The following RAB3IL1 variants were observed in gnomAD, a reference collection of about 807,000 sequenced individuals.
The protein encoded by RAB3IL1 is guanine nucleotide exchange factor for Rab-3A.
Under a neutral mutation model 49.2 loss-of-function variants are expected in RAB3IL1, and 37 were observed. The ratio of observed to expected loss-of-function variants is 0.75; its 90% CI spans 0.58 to 0.99. RAB3IL1 has a LOEUF of 0.99. Among genes scored for constraint, RAB3IL1 ranks in the 50% least tolerant of loss-of-function variants. The pLI is 0.00. For synonymous variants in RAB3IL1, 193 were observed against 213.9 expected (o/e 0.90, Z 0.85); for missense variants, 484 against 513.0 (o/e 0.94, Z 0.55).
chr11:61,925,210 A>G (rs1367799450), upstream of RAB3IL1, among the ~76,000 whole-genome samples: 1 of 152,236 alleles, frequency 6.6e-6, no homozygotes, highest in Non-Finnish European at 1.5e-5. Context: ...AAAGGAACTC[A>G]GATTTTAACC....
the RAB3IL1 span, among the ~76,000 whole-genome samples, chr11:61,941,645 G>A: frequency 2.8e-4 from 43 of 152,202 alleles, no homozygotes; most frequent in Middle Eastern, 0.017. Flanking sequence ...CCAGCTACTC[G>A]GGAAGCTGAG....
At chr11:61,941,988 A>G in the RAB3IL1 span, among the ~76,000 whole-genome samples, 6 of 152,100 alleles carry the variant, frequency 3.9e-5, no homozygotes, top group African/African-American at 1.4e-4. Context: ...AGGCGGGCAG[A>G]TCACTTGAGG....
At chr11:61,924,973 A>C (rs1591247139), upstream of RAB3IL1, among the ~76,000 whole-genome samples, 1 of 152,302 alleles carries the variant, frequency 6.6e-6, no homozygotes, top group East Asian at 1.9e-4. Context: ...AAACATGACT[A>C]GTGGAGGAGG....
the RAB3IL1 span, among the ~76,000 whole-genome samples, chr11:61,943,663 T>C: frequency 8.5e-5 from 13 of 152,114 alleles, no homozygotes; most frequent in African/African-American, 3.1e-4. Flanking sequence ...AAGACTTGGA[T>C]AGACATTTCT....
intron 1 of RAB3IL1, among the ~76,000 whole-genome samples, chr11:61,910,166 GT>G (rs1330244262): frequency 2.6e-5 from 4 of 152,228 alleles, no homozygotes; most frequent in African/African-American, 9.6e-5. Context: ...AGGTGGCCAG[GT>G]CTTCAAGCCC....
the RAB3IL1 span, among the ~76,000 whole-genome samples, chr11:61,932,221 A>G: frequency 1.3e-5 from 2 of 152,110 alleles, no homozygotes; most frequent in African/African-American, 4.8e-5. Context: ...ACTGCACTCC[A>G]GCCTGGGAGA....
chr11:61,909,850 TA>T (rs1939381875), intron 1 of RAB3IL1, among the ~76,000 whole-genome samples: 1 of 152,176 alleles, frequency 6.6e-6, no homozygotes, highest in East Asian at 1.9e-4. Flanking sequence ...CTCACGCCTG[TA>T]ATCCCAGCAC....
At chr11:61,920,187 G>A, upstream of RAB3IL1, 1 of 1,275,276 alleles carries the variant, frequency 7.8e-7, no homozygotes, top group Non-Finnish European at 1.0e-6. Flanking sequence ...CCTCAGAAGA[G>A]TCCATGCTTG....
At chr11:61,921,318 C>A (rs1245355591), upstream of RAB3IL1, among the ~76,000 whole-genome samples, 1 of 152,148 alleles carries the variant, frequency 6.6e-6, no homozygotes. Flanking sequence ...AGACGGTGTG[C>A]CTTTGAGCAC....
At chr11:61,933,152 G>T in the RAB3IL1 span, among the ~76,000 whole-genome samples, 2 of 152,150 alleles carry the variant, frequency 1.3e-5, no homozygotes, top group Non-Finnish European at 2.9e-5. Flanking sequence ...CAAAGATATT[G>T]AATCCTAATC....
chr11:61,934,450 GTA>G, the RAB3IL1 span, among the ~76,000 whole-genome samples: 1,144 of 31,304 alleles, frequency 0.037, 26 homozygotes, highest in South Asian at 0.1. Context: ...GTGTGTGTAT[GTA>G]TATATATATA....
At chr11:61,936,707 G>A in the RAB3IL1 span, among the ~76,000 whole-genome samples, 1 of 152,178 alleles carries the variant, frequency 6.6e-6, no homozygotes, top group Non-Finnish European at 1.5e-5. Flanking sequence ...ATCTCAATAA[G>A]ATTAACAGTT....
intron 1 of RAB3IL1, among the ~76,000 whole-genome samples, chr11:61,915,059 G>A (rs1456861974): frequency 6.6e-6 from 1 of 152,112 alleles, no homozygotes; most frequent in African/African-American, 2.4e-5. Context: ...CAAATGGGGG[G>A]CCATAAAAAT....
intron 7 of RAB3IL1, among the ~76,000 whole-genome samples, chr11:61,902,982 C>T (rs959054268): frequency 6.6e-6 from 1 of 151,500 alleles, no homozygotes; most frequent in South Asian, 2.1e-4. Flanking sequence ...CTTCTGACCC[C>T]ACTAACCCCC....
At chr11:61,922,125 C>T (rs1244537529), upstream of RAB3IL1, among the ~76,000 whole-genome samples, 3 of 151,532 alleles carry the variant, frequency 2.0e-5, no homozygotes, top group Non-Finnish European at 2.9e-5. Flanking sequence ...AGGAGAATGG[C>T]GTGAATCTGG....
At chr11:61,933,301 G>C in the RAB3IL1 span, among the ~76,000 whole-genome samples, 1 of 152,076 alleles carries the variant, frequency 6.6e-6, no homozygotes, top group Non-Finnish European at 1.5e-5. Context: ...TTATAAGAGG[G>C]GGGCAGAAAG....
At chr11:61,907,351 G>T (rs778012978) in intron 4 of RAB3IL1, 42 bp downstream of exon 4, 13 of 1,599,980 alleles carry the variant, frequency 8.1e-6, no homozygotes, top group African/African-American at 1.3e-5. Flanking sequence ...GGAGGCAGGG[G>T]GGGTGCCTGG....
the RAB3IL1 span, among the ~76,000 whole-genome samples, chr11:61,930,768 C>T: frequency 3.9e-5 from 6 of 152,074 alleles, no homozygotes; most frequent in Non-Finnish European, 8.8e-5. Flanking sequence ...CACAGCAAGA[C>T]CCTGTCTTAA....
chr11:61,941,542 G>A, the RAB3IL1 span, among the ~76,000 whole-genome samples: 30 of 152,280 alleles, frequency 2.0e-4, no homozygotes, highest in South Asian at 1.9e-3. Flanking sequence ...CACGAGGTCA[G>A]GAGATCGAGA....
Sources: allele counts gnomAD v4.1 joint callset (sites outside exome capture counted in the v4.1 genomes callset), GRCh38; gene constraint gnomAD v4.1.1; transcripts MANE v1.5; gene names NCBI Gene and HGNC (gene_info 2026-07-23, HGNC 2026-07-21).